The following ARHGAP15 variants were observed in gnomAD, a reference collection of about 807,000 sequenced individuals.
ARHGAP15 encodes the protein rho GTPase-activating protein 15.
Under a neutral mutation model 63.7 loss-of-function variants are expected in ARHGAP15, and 51 were observed. The observed-to-expected ratio is 0.80, with a 90% CI of 0.64 to 1.01. The LOEUF is 1.01. Among genes scored for constraint, ARHGAP15 ranks in the 50% least tolerant of loss-of-function variants. The probability of loss-of-function intolerance (pLI) is 0.00; values close to 1 mark genes in which losing one functional copy is unlikely to be tolerated. For synonymous variants in ARHGAP15, 191 were observed against 193.8 expected (o/e 0.99, Z 0.12); for missense variants, 560 against 564.6 (o/e 0.99, Z 0.08).
intron 6 of ARHGAP15, among the ~76,000 whole-genome samples, chr2:143,307,427 CTAAA>C (rs944457285): frequency 2.0e-5 from 3 of 152,088 alleles, no homozygotes; most frequent in Non-Finnish European, 4.4e-5. Flanking sequence ...ACTATTTCAA[CTAAA>C]TAAAGGGCAT....
chr2:143,657,394 A>G (rs1478229987), intron 12 of ARHGAP15, among the ~76,000 whole-genome samples: 12 of 152,148 alleles, frequency 7.9e-5, no homozygotes, highest in African/African-American at 2.9e-4. Context: ...ATGAAATACT[A>G]TGTTTATGTG....
At chr2:143,421,774 A>G (rs1356644726) in intron 6 of ARHGAP15, among the ~76,000 whole-genome samples, 3 of 11,160 alleles carry the variant, frequency 2.7e-4, no homozygotes, top group Admixed American at 1.4e-3. Flanking sequence ...GTGTATATAT[A>G]TATATATATA....
chr2:143,591,439 C>T, intron 11 of ARHGAP15, among the ~76,000 whole-genome samples: 1 of 152,128 alleles, frequency 6.6e-6, no homozygotes. Context: ...AAAAGTGGCA[C>T]AGCCTTGAAT....
chr2:143,718,137 TG>T (rs1443654502), intron 13 of ARHGAP15, among the ~76,000 whole-genome samples: 1 of 152,100 alleles, frequency 6.6e-6, no homozygotes, highest in Non-Finnish European at 1.5e-5. Flanking sequence ...ATATTATATA[TG>T]AGATTTCAGT....
At chr2:143,284,139 T>C (rs1292856821) in intron 6 of ARHGAP15, among the ~76,000 whole-genome samples, 3 of 152,146 alleles carry the variant, frequency 2.0e-5, no homozygotes, top group Admixed American at 1.3e-4. Flanking sequence ...AAATAAATAT[T>C]ATCCATACTT....
intron 10 of ARHGAP15, among the ~76,000 whole-genome samples, chr2:143,548,318 A>G (rs1262376522): frequency 2.6e-5 from 4 of 152,110 alleles, no homozygotes; most frequent in Non-Finnish European, 5.9e-5. Flanking sequence ...TTTCTGATTC[A>G]AGAGTCTATT....
chr2:143,533,930 G>A (rs765218417), intron 10 of ARHGAP15, among the ~76,000 whole-genome samples: 2 of 152,162 alleles, frequency 1.3e-5, no homozygotes, highest in Non-Finnish European at 2.9e-5. Context: ...AGGCCAATAA[G>A]CCTTAGGTTG....
chr2:143,255,375 C>T lies in ARHGAP15; in HGVS notation c.474+4775C>T, dbSNP rs139687695. On this transcript the variant is annotated intron_variant, in intron 6 of 13. Transcript: ENST00000295095. Reference sequence around the variant, plus strand: ...TTTCAATATATTAAAAAATAGATCTCGGGGGACAGATTCTGTCCCTAAAAG... The same window carrying T: ...TTTCAATATATTAAAAAATAGATCTTGGGGGACAGATTCTGTCCCTAAAAG... 8.0e-4 allele frequency among the ~76,000 whole-genome samples: 122 copies of T among 151,970 alleles called. No individual in the cohort carries two copies. In the East Asian group the frequency reaches 0.022, roughly 27 times the overall value.
At chr2:143,668,595 T>C (rs1432454284) in intron 12 of ARHGAP15, among the ~76,000 whole-genome samples, 1 of 152,256 alleles carries the variant, frequency 6.6e-6, no homozygotes. Flanking sequence ...TATCTGACTC[T>C]TCTTTTTTAT....
chr2:143,536,709 T>G (rs1468509640), intron 10 of ARHGAP15, among the ~76,000 whole-genome samples: 1 of 152,076 alleles, frequency 6.6e-6, no homozygotes, highest in Non-Finnish European at 1.5e-5. Flanking sequence ...GAACTCATCA[T>G]TTTTTATGGC....
chr2:143,151,026 G>C (rs1441580572), intron 1 of ARHGAP15, among the ~76,000 whole-genome samples: 1 of 152,002 alleles, frequency 6.6e-6, no homozygotes, highest in African/African-American at 2.4e-5. Context: ...TGGAACAACA[G>C]AATATAATTT....
intron 10 of ARHGAP15, among the ~76,000 whole-genome samples, chr2:143,528,374 T>A (rs1401319342): frequency 2.0e-5 from 3 of 152,090 alleles, no homozygotes; most frequent in Non-Finnish European, 4.4e-5. Flanking sequence ...TATATCACCC[T>A]CTTGATTCAT....
chr2:143,399,308 G>A (rs1388687088), intron 6 of ARHGAP15, among the ~76,000 whole-genome samples: 3 of 151,160 alleles, frequency 2.0e-5, no homozygotes, highest in Non-Finnish European at 4.4e-5. Flanking sequence ...GAAGAAGAGG[G>A]GTACAAGCTG....
chr2:143,392,531 T>C (rs1027384185), intron 6 of ARHGAP15, among the ~76,000 whole-genome samples: 4 of 152,312 alleles, frequency 2.6e-5, no homozygotes, highest in African/African-American at 7.2e-5. Flanking sequence ...CTCCACAATA[T>C]ATCCCCTTAG....
At chr2:143,479,883 A>C (rs1691994095) in intron 8 of ARHGAP15, among the ~76,000 whole-genome samples, 1 of 152,126 alleles carries the variant, frequency 6.6e-6, no homozygotes, top group Non-Finnish European at 1.5e-5. Flanking sequence ...GCAAAAAAAA[A>C]AAGTCATTAA....
At chr2:143,531,497 T>C (rs1369631429) in intron 10 of ARHGAP15, among the ~76,000 whole-genome samples, 2 of 152,276 alleles carry the variant, frequency 1.3e-5, no homozygotes, top group South Asian at 2.1e-4. Context: ...AAATAGCAGG[T>C]TTATAGGGTA....
intron 13 of ARHGAP15, among the ~76,000 whole-genome samples, chr2:143,710,474 G>A (rs1684533690): frequency 6.6e-6 from 1 of 152,306 alleles, no homozygotes; most frequent in South Asian, 2.1e-4. Flanking sequence ...TGAGGACTAA[G>A]GTTCAGTGAT....
At chr2:143,737,536 T>C (rs1685791451) in intron 13 of ARHGAP15, among the ~76,000 whole-genome samples, 1 of 152,162 alleles carries the variant, frequency 6.6e-6, no homozygotes. Context: ...TTTAAATTCA[T>C]TCCTAAGAAG....
At chr2:143,739,708 T>A (rs1354087969) in intron 13 of ARHGAP15, among the ~76,000 whole-genome samples, 2 of 152,186 alleles carry the variant, frequency 1.3e-5, no homozygotes, top group Non-Finnish European at 2.9e-5. Flanking sequence ...GACAATTCCT[T>A]TTCATTGTTT....
Sources: allele counts gnomAD v4.1 joint callset (sites outside exome capture counted in the v4.1 genomes callset), GRCh38; gene constraint gnomAD v4.1.1; transcripts MANE v1.5; gene names NCBI Gene and HGNC (gene_info 2026-07-23, HGNC 2026-07-21).